Variants in RUNX2 observed in about 807,000 individuals in gnomAD.
RUNX2 encodes the protein RUNX family transcription factor 2.
A neutral mutation model predicts 51.7 loss-of-function variants in RUNX2; 10 were observed. The ratio of observed to expected loss-of-function variants is 0.19; its 90% confidence interval spans 0.12 to 0.33. RUNX2 has a LOEUF of 0.33. Among genes scored for constraint, RUNX2 ranks in the 10% least tolerant of loss-of-function variants. RUNX2 has a pLI of 1.00. For missense variants in RUNX2, 562 were observed against 691.3 expected (o/e 0.81, Z 2.10); for synonymous variants, 276 against 273.6 (o/e 1.01, Z -0.09).
intron 2 of RUNX2, among the ~76,000 whole-genome samples, chr6:45,395,840 T>G (rs1275548039): frequency 1.3e-5 from 2 of 152,146 alleles, no homozygotes; most frequent in Non-Finnish European, 2.9e-5. Flanking sequence ...AATTTTTTTG[T>G]ATTTTTAGTA....
intron 6 of RUNX2, among the ~76,000 whole-genome samples, chr6:45,502,205 T>G (rs994849544): frequency 6.6e-6 from 1 of 152,172 alleles, no homozygotes; most frequent in South Asian, 2.1e-4. Context: ...AGACTTGAAT[T>G]CATCTAAAGC....
At chr6:45,468,362 T>A (rs1799699104) in intron 5 of RUNX2, among the ~76,000 whole-genome samples, 2 of 152,340 alleles carry the variant, frequency 1.3e-5, no homozygotes, top group Non-Finnish European at 2.9e-5. Flanking sequence ...TATTTTAATA[T>A]CTAAATACTT....
chr6:45,412,959 C>T (rs1426786287), intron 2 of RUNX2, among the ~76,000 whole-genome samples: 1 of 152,084 alleles, frequency 6.6e-6, no homozygotes, highest in East Asian at 1.9e-4. Context: ...CCATGTTGGC[C>T]AGGCTGGTTT....
intron 7 of RUNX2, among the ~76,000 whole-genome samples, chr6:45,527,140 A>G (rs1056067142): frequency 2.6e-5 from 4 of 152,172 alleles, no homozygotes; most frequent in African/African-American, 9.7e-5. Context: ...GCAGTGGGAA[A>G]ATCGAGTGCA....
At position 45,538,528 on chromosome 6, in the gene RUNX2, T is replaced by G. The variant is rs180837271; in HGVS notation, c.1022-6689T>G. 4.3e-4 allele frequency among the ~76,000 whole-genome samples: 66 copies of G among 152,278 alleles called. 1 individual carries two copies. Among genetic ancestry groups the G allele is most frequent in the Non-Finnish European group, 1.5e-4 (10 of 68,016 alleles). On this transcript the variant is annotated intron_variant, in intron 7 of 8. Coordinates refer to ENST00000647337, the MANE Select transcript of RUNX2 (RefSeq NM_001024630.4). ...GGAAAGGCTATCACTTTTAAACCTCTCTCCCTCATTTTCCTAGTTCCTTCT... is the reference window on the plus strand; with the variant it reads ...GGAAAGGCTATCACTTTTAAACCTCGCTCCCTCATTTTCCTAGTTCCTTCT...
Position 45,464,054 on chromosome 6 carries a change from G to A in RUNX2, c.685+26003G>A, listed in dbSNP as rs193048050. 3.3e-3 allele frequency among the ~76,000 whole-genome samples: 509 copies of A among 152,220 alleles called. 2 individuals carry two copies. The highest frequency in any genetic ancestry group is 6.2e-3 in the Non-Finnish European group (424 of 67,996). On this transcript the variant is annotated intron_variant, in intron 5 of 8. Transcript: ENST00000647337. Reference sequence around the variant, plus strand: ...TAAAAATACAAAAAATTAGCCAGGCGTGGTGGCAGGTGCCTGTAGTCCCAG... The same window carrying A: ...TAAAAATACAAAAAATTAGCCAGGCATGGTGGCAGGTGCCTGTAGTCCCAG...
At chr6:45,380,230 A>G (rs1202965135) in intron 2 of RUNX2, among the ~76,000 whole-genome samples, 1 of 152,250 alleles carries the variant, frequency 6.6e-6, no homozygotes, top group Non-Finnish European at 1.5e-5. Context: ...CTGTTGCTGA[A>G]GTTAAGGCTT....
At chr6:45,500,654 C>A (rs115233704) in intron 6 of RUNX2, among the ~76,000 whole-genome samples, 3 of 152,074 alleles carry the variant, frequency 2.0e-5, no homozygotes, top group Non-Finnish European at 4.4e-5. Context: ...GGCGCTGTTG[C>A]CAGGGTGAAT....
At chr6:45,465,226 A>G (rs1799593374) in intron 5 of RUNX2, among the ~76,000 whole-genome samples, 1 of 151,962 alleles carries the variant, frequency 6.6e-6, no homozygotes, top group Non-Finnish European at 1.5e-5. Context: ...TACTCTGAAA[A>G]CTCCAAGTTC....
At chr6:45,351,322 G>A (rs1792000658) in intron 2 of RUNX2, among the ~76,000 whole-genome samples, 2 of 151,864 alleles carry the variant, frequency 1.3e-5, no homozygotes, top group South Asian at 4.2e-4. Context: ...AACTTCCTAT[G>A]CATTCTACTA....
At chr6:45,383,721 A>C (rs1797290375) in intron 2 of RUNX2, among the ~76,000 whole-genome samples, 1 of 152,248 alleles carries the variant, frequency 6.6e-6, no homozygotes, top group Non-Finnish European at 1.5e-5. Context: ...ATTTTCATTG[A>C]AACTGAATCT....
intron 3 of RUNX2, among the ~76,000 whole-genome samples, chr6:45,430,389 A>G (rs142376883): frequency 6.6e-6 from 1 of 152,292 alleles, no homozygotes; most frequent in East Asian, 1.9e-4. Flanking sequence ...TTTTGAACTG[A>G]ATAACACAGT....
chr6:45,546,298 C>T, intron 8 of RUNX2, among the ~76,000 whole-genome samples: 1 of 152,106 alleles, frequency 6.6e-6, no homozygotes, highest in Middle Eastern at 3.4e-3. Flanking sequence ...CTTTAAAGGC[C>T]TTAAAGGAAA....
At chr6:45,466,520 C>T (rs1296269723) in intron 5 of RUNX2, among the ~76,000 whole-genome samples, 2 of 152,110 alleles carry the variant, frequency 1.3e-5, no homozygotes, top group Non-Finnish European at 2.9e-5. Flanking sequence ...TGCCAGGCTA[C>T]AATACAGCTC....
chr6:45,516,222 A>G (rs1251694313), intron 7 of RUNX2, among the ~76,000 whole-genome samples: 1 of 152,206 alleles, frequency 6.6e-6, no homozygotes, highest in Non-Finnish European at 1.5e-5. Flanking sequence ...TACTGCAGAG[A>G]AAGATATAAT....
In RUNX2 at chr6:45,350,862, AC is replaced by A. The variant is rs138616870; in HGVS notation, c.58+22083del. On this transcript the variant is annotated intron_variant, in intron 2 of 8. Coordinates refer to ENST00000647337, the MANE Select transcript of RUNX2 (RefSeq NM_001024630.4). ...ATTTATAATAGCTCAGGGGTCCCCA[AC>A]CCCCAGTTCCAGTTCGTGGCCTGTT... Among the ~76,000 whole-genome samples the A allele has an allele frequency of 3.6e-3, 544 of 152,230 alleles. 1 individual carries two copies. The highest frequency in any genetic ancestry group is 0.013 in the African/African-American group (519 of 41,520).
chr6:45,440,817 T>G (rs1798823143), intron 5 of RUNX2, among the ~76,000 whole-genome samples: 1 of 152,124 alleles, frequency 6.6e-6, no homozygotes, highest in Non-Finnish European at 1.5e-5. Context: ...GAAACAAAGT[T>G]TGTGTTATGT....
At chr6:45,543,148 A>G (rs1465643445) in intron 7 of RUNX2, among the ~76,000 whole-genome samples, 1 of 152,170 alleles carries the variant, frequency 6.6e-6, no homozygotes. Flanking sequence ...ATAGTGTATT[A>G]TTTTCCCCAA....
intron 4 of RUNX2, among the ~76,000 whole-genome samples, chr6:45,435,559 G>C (rs1014640154): frequency 6.6e-6 from 1 of 152,030 alleles, no homozygotes; most frequent in Non-Finnish European, 1.5e-5. Flanking sequence ...GGTTTCACCA[G>C]GTTGGCCAGG....
Sources: allele counts gnomAD v4.1 joint callset (sites outside exome capture counted in the v4.1 genomes callset), GRCh38; gene constraint gnomAD v4.1.1; transcripts MANE v1.5; gene names NCBI Gene and HGNC (gene_info 2026-07-23, HGNC 2026-07-21).